Variants in SDHA observed in about 807,000 individuals in gnomAD.
SDHA encodes succinate dehydrogenase complex flavoprotein subunit A.
A neutral mutation model predicts 78.4 loss-of-function variants in SDHA; 48 were observed. The observed-to-expected ratio is 0.61, with a 90% CI of 0.49 to 0.78. The LOEUF (loss-of-function observed/expected upper bound fraction) is 0.78, where lower values mean the gene tolerates loss of function less well. Ranked by LOEUF, SDHA falls within the 30% of genes least tolerant of loss-of-function variation. The probability of loss-of-function intolerance (pLI) is 0.00; values close to 1 mark genes in which losing one functional copy is unlikely to be tolerated. For missense variants in SDHA, 680 were observed against 892.7 expected, an observed-to-expected ratio of 0.76 and a Z score of 3.04; for synonymous variants, 326 against 353.9, an observed-to-expected ratio of 0.92 and a Z score of 0.88.
intron 1 of SDHA, among the ~76,000 whole-genome samples, chr5:218,898 G>A (rs1395843266): frequency 2.6e-5 from 4 of 152,208 alleles, no homozygotes; most frequent in African/African-American, 4.8e-5. Context: ...GGGCCGGCGG[G>A]GCGGGTGAGA....
intron 8 of SDHA, 115 bp downstream of exon 8, chr5:233,760 CCT>C (rs1301174858): frequency 7.8e-6 from 8 of 1,020,036 alleles, no homozygotes; most frequent in Middle Eastern, 2.1e-4. Context: ...TGCACAGCCA[CCT>C]CTCTTAGCTG....
chr5:258,833 T>C (rs1293988486), downstream of SDHA, among the ~76,000 whole-genome samples: 41 of 55,382 alleles, frequency 7.4e-4, no homozygotes, highest in Non-Finnish European at 1.1e-3. Flanking sequence ...CTCCGCCCCC[T>C]GCCAGAGCAT....
chr5:241,734 A>G (rs549114374), intron 11 of SDHA, among the ~76,000 whole-genome samples: 2 of 152,202 alleles, frequency 1.3e-5, no homozygotes, highest in African/African-American at 4.8e-5. Flanking sequence ...TCTAACACCT[A>G]TGTGGTGTTA....
At chr5:236,896 G>A (rs1236558722) in intron 10 of SDHA, among the ~76,000 whole-genome samples, 1 of 149,912 alleles carries the variant, frequency 6.7e-6, no homozygotes, top group Non-Finnish European at 1.5e-5. Context: ...AAACAGTCCT[G>A]CCTCAGCTTC....
At chr5:252,497 G>C (rs1311127351) in intron 13 of SDHA, among the ~76,000 whole-genome samples, 1 of 151,738 alleles carries the variant, frequency 6.6e-6, no homozygotes, top group African/African-American at 2.4e-5. Context: ...CCTGCCCTGT[G>C]GAGGAAATGC....
At chr5:261,570 C>A (rs1260298516), downstream of SDHA, among the ~76,000 whole-genome samples, 1 of 45,892 alleles carries the variant, frequency 2.2e-5, no homozygotes, top group Non-Finnish European at 4.2e-5. Context: ...ACCGTGTGAG[C>A]TCCGCCTCCC....
intron 11 of SDHA, among the ~76,000 whole-genome samples, chr5:248,846 A>G (rs1736636497): frequency 6.6e-6 from 1 of 152,216 alleles, no homozygotes; most frequent in Admixed American, 6.5e-5. Flanking sequence ...CAGATGGTAG[A>G]AATGATAAGA....
chr5:221,421 G>C (rs1734708386), intron 1 of SDHA, among the ~76,000 whole-genome samples: 1 of 152,198 alleles, frequency 6.6e-6, no homozygotes, highest in Non-Finnish European at 1.5e-5. Flanking sequence ...TTCGTTGGCT[G>C]CTTTTGTGAT....
At chr5:255,109 G>A (rs113953808) in intron 14 of SDHA, among the ~76,000 whole-genome samples, 2,990 of 141,718 alleles carry the variant, frequency 0.021, 91 homozygotes, top group African/African-American at 0.072. Flanking sequence ...GGTGAGCAGC[G>A]TCCTGGGAAC....
intron 10 of SDHA, among the ~76,000 whole-genome samples, chr5:237,559 G>A (rs1735860285): frequency 1.5e-5 from 2 of 134,400 alleles, no homozygotes; most frequent in Non-Finnish European, 1.5e-5. Context: ...ATCCAGCCTC[G>A]TGTGCTCAGA....
chr5:239,817 T>C (rs1736031131), intron 10 of SDHA, among the ~76,000 whole-genome samples: 1 of 151,702 alleles, frequency 6.6e-6, no homozygotes, highest in Non-Finnish European at 1.5e-5. Context: ...TTGCCCAGGC[T>C]GGAGTGCAGT....
At chr5:226,702 G>C (rs1735050592) in intron 5 of SDHA, among the ~76,000 whole-genome samples, 1 of 152,030 alleles carries the variant, frequency 6.6e-6, no homozygotes, top group East Asian at 2.0e-4. Context: ...GCCTAGGCGG[G>C]CAGATCACAA....
rs1247899429 is a variant in SDHA, at chr5:237,369, C to T, written c.1432+770C>T. Among the ~76,000 whole-genome samples, 2 of 134,408 alleles carry T rather than the reference C, an allele frequency of 1.5e-5. 1 individual carries two copies. Among genetic ancestry groups the T allele is most frequent in the African/African-American group, 7.2e-5 (2 of 27,692 alleles). 88.2% of individuals were successfully genotyped at this position (134,408 alleles called of 152,430 possible). ...CTATTAGAGGAGAAGGGATGACTTA[C>T]AGTGAACAGGATTCCCACCCTTTAC... On this transcript the variant is annotated intron_variant, in intron 10 of 14. Coordinates refer to ENST00000264932, the MANE Select transcript of SDHA (RefSeq NM_004168.4).
At position 218,401 on chromosome 5, in the gene SDHA, C is replaced by T. The variant is rs1579369903; in HGVS notation, c.46C>T (p.Leu16=). 1.4e-6 allele frequency: 2 copies of T among 1,445,930 alleles called. No homozygotes were observed. The highest frequency in any genetic ancestry group is 1.8e-6 in the Non-Finnish European group (2 of 1,109,134). 89.6% of individuals were successfully genotyped at this position (1,445,930 alleles called of 1,614,324 possible). ...GLSRLLSARR[L]ALAKAWPTVL... Reference sequence around the variant, plus strand: ...GTCGCGGCTGCTGAGCGCTCGGCGCCTGGCGCTGGCCAAGGCGGTGAGTCC... The same window carrying T: ...GTCGCGGCTGCTGAGCGCTCGGCGCTTGGCGCTGGCCAAGGCGGTGAGTCC... The change falls in exon 1 of 15, where the codon CTG becomes TTG. Residue 16 remains leucine, a synonymous_variant. Transcript: ENST00000264932.
At chr5:239,792 CAG>C (rs1165721467) in intron 10 of SDHA, among the ~76,000 whole-genome samples, 1 of 145,440 alleles carries the variant, frequency 6.9e-6, no homozygotes, top group Non-Finnish European at 1.5e-5. Context: ...TTTTTTAAGA[CAG>C]GGTCTCGCTC....
At chr5:229,224 T>A (rs185981429) in intron 6 of SDHA, among the ~76,000 whole-genome samples, 58 of 152,334 alleles carry the variant, frequency 3.8e-4, no homozygotes, top group Middle Eastern at 3.4e-3. Flanking sequence ...TCAAAATTCA[T>A]AGGACTACTA....
At chr5:262,796 T>G in the SDHA span, among the ~76,000 whole-genome samples, 3 of 152,250 alleles carry the variant, frequency 2.0e-5, no homozygotes, top group Non-Finnish European at 4.4e-5. Flanking sequence ...AATATTAGGT[T>G]GGTGCAAAAG....
At chr5:218,505 G>C (rs1040002673) in intron 1 of SDHA, 87 bp downstream of exon 1, 1 of 1,069,250 alleles carries the variant, frequency 9.4e-7, no homozygotes, top group Non-Finnish European at 1.2e-6. Flanking sequence ...TCCGAGCGGA[G>C]CGGGCGCCGG....
At position 233,557 on chromosome 5, in the gene SDHA, T is replaced by A. The variant is rs1553999002; in HGVS notation, c.976T>A (p.Phe326Ile). ...GILINSQGER[F>I]MERYAPVAKD... ...TCTCATTAACAGTCAAGGCGAAAGG[T>A]TTATGGAGCGATACGCCCCTGTCGC... The change falls in exon 8 of 15, where the codon TTT becomes ATT. Residue 326 changes from phenylalanine (F) to isoleucine (I), a missense_variant. Coordinates refer to ENST00000264932, the MANE Select transcript of SDHA (RefSeq NM_004168.4). The A allele has an allele frequency of 6.2e-7, 1 of 1,614,146 alleles. No individual in the cohort carries two copies. The highest frequency in any genetic ancestry group is 1.7e-5 in the Admixed American group (1 of 60,024).
Sources: gnomAD v4.1 joint callset for allele counts (sites outside exome capture counted in the v4.1 genomes callset) on GRCh38, gnomAD v4.1.1 for gene constraint, MANE v1.5 for transcripts, NCBI Gene and HGNC (gene_info 2026-07-23, HGNC 2026-07-21) for gene names.